The following VSTM2B variants were observed in gnomAD, a reference collection of about 807,000 sequenced individuals.
VSTM2B encodes the protein V-set and transmembrane domain containing 2B, also known as V-set and transmembrane domain-containing protein 2B.
VSTM2B carries 24 observed loss-of-function variants against 24.0 expected under a neutral mutation model. That is an observed-to-expected ratio of 1.00 (90% confidence interval 0.72 to 1.40). The LOEUF is 1.40. Among genes scored for constraint, VSTM2B ranks in the 40% most tolerant of loss-of-function variants. VSTM2B has a pLI of 0.00. For missense variants in VSTM2B, 399 were observed against 416.4 expected (o/e 0.96, Z 0.36); for synonymous variants, 226 against 194.4 (o/e 1.16, Z -1.35).
intron 4 of VSTM2B, among the ~76,000 whole-genome samples, chr19:29,554,473 G>T (rs1970362628): frequency 6.6e-6 from 1 of 152,138 alleles, no homozygotes; most frequent in Non-Finnish European, 1.5e-5. Flanking sequence ...ACACACTGAA[G>T]TACAAAGACC....
At chr19:29,556,109 A>G (rs990863892) in intron 4 of VSTM2B, among the ~76,000 whole-genome samples, 1 of 151,856 alleles carries the variant, frequency 6.6e-6, no homozygotes, top group African/African-American at 2.4e-5. Flanking sequence ...CAAAAAAAAA[A>G]AAAGAAAGAA....
intron 4 of VSTM2B, among the ~76,000 whole-genome samples, chr19:29,554,469 T>C (rs1970362418): frequency 6.6e-6 from 1 of 152,130 alleles, no homozygotes; most frequent in Admixed American, 6.6e-5. Context: ...AAAAACACAC[T>C]GAAGTACAAA....
chr19:29,560,467 C>T (rs539419384), intron 4 of VSTM2B, among the ~76,000 whole-genome samples: 1 of 152,188 alleles, frequency 6.6e-6, no homozygotes, highest in Non-Finnish European at 1.5e-5. Flanking sequence ...TGCACCATCC[C>T]ACTTCTCTTG....
intron 4 of VSTM2B, among the ~76,000 whole-genome samples, chr19:29,559,283 TA>T (rs1431285111): frequency 6.6e-6 from 1 of 152,136 alleles, no homozygotes; most frequent in African/African-American, 2.4e-5. Context: ...TATGCAGGCA[TA>T]AAAAAGATGA....
chr19:29,549,512 A>AGGAGGCCCCTGACGCTGGCTCCAGTG (rs1970225254), intron 4 of VSTM2B, among the ~76,000 whole-genome samples: 2 of 147,342 alleles, frequency 1.4e-5, no homozygotes, highest in South Asian at 2.2e-4. Flanking sequence ...TGGCTCCAGT[A>AGGAGGCCCCTGACGCTGGCTCCAGTG]CTGCCCCAGG....
chr19:29,563,716 C>A (rs1259580439), intron 4 of VSTM2B, 130 bp from the exon 5 acceptor site: 2 of 727,258 alleles, frequency 2.8e-6, no homozygotes, highest in Non-Finnish European at 4.6e-6. Flanking sequence ...CCACTATGCA[C>A]CAGCCTCCAG....
chr19:29,552,595 G>A (rs920008375), intron 4 of VSTM2B, among the ~76,000 whole-genome samples: 15 of 152,286 alleles, frequency 9.8e-5, no homozygotes, highest in South Asian at 4.1e-4. Context: ...TCATGAGCCC[G>A]TGCCACCAGG....
chr19:29,526,727 G>A lies in VSTM2B; in HGVS notation c.82+62G>A. The stretch of plus-strand genomic sequence containing the variant: ...GGGGGTCTTTGCTGGGGCCGCCACC[G>A]AGAAGAAGAAGAAAGAGAACGAACC... On this transcript the variant is annotated intron_variant, in intron 1 of 4. Transcript: ENST00000335523. The surrounding 1 kb of genome is among the most constrained non-coding windows in gnomAD (Gnocchi z 4.1). 7.1e-7 allele frequency: 1 copy of A among 1,415,468 alleles called. No homozygotes were observed. Among genetic ancestry groups the A allele is most frequent in the Non-Finnish European group, 9.5e-7 (1 of 1,047,826 alleles). The allele number at this position is 1,415,468 out of a possible 1,614,324, so 87.7% of individuals were successfully genotyped here.
chr19:29,562,738 G>A (rs1172734638), intron 4 of VSTM2B, among the ~76,000 whole-genome samples: 1 of 152,212 alleles, frequency 6.6e-6, no homozygotes, highest in African/African-American at 2.4e-5. Flanking sequence ...GAAGCCCAGG[G>A]TTTATGGGTG....
chr19:29,557,750 G>C (rs1464144459), intron 4 of VSTM2B, among the ~76,000 whole-genome samples: 1 of 150,772 alleles, frequency 6.6e-6, no homozygotes, highest in Non-Finnish European at 1.5e-5. Context: ...AAAAACCCCA[G>C]AAGAAAATCC....
intron 4 of VSTM2B, among the ~76,000 whole-genome samples, chr19:29,560,247 TG>T (rs1970495953): frequency 6.6e-6 from 1 of 152,174 alleles, no homozygotes; most frequent in Admixed American, 6.5e-5. Context: ...GATGCTGGGA[TG>T]GGGAAGGGGG....
At chr19:29,542,832 T>C (rs79364176) in intron 4 of VSTM2B, among the ~76,000 whole-genome samples, 3,049 of 152,172 alleles carry the variant, frequency 0.02, 97 homozygotes, top group African/African-American at 0.069. Flanking sequence ...TTCCAGCAAC[T>C]GAATACTGCA....
At position 29,563,878 on chromosome 19, in the gene VSTM2B, T is replaced by G. The variant is rs769670032; in HGVS notation, c.802T>G (p.Leu268Val). ...TGRSYTTDPL[L>V]SLLLLALHKF... ...CCGTAGCTACACCACAGACCCACTCTTGTCCCTGCTCCTGTTAGCTCTGCA... is the reference window on the plus strand; with the variant it reads ...CCGTAGCTACACCACAGACCCACTCGTGTCCCTGCTCCTGTTAGCTCTGCA... The change falls in exon 5 of 5, where the codon TTG becomes GTG. Residue 268 changes from leucine to valine, a missense_variant. Transcript: ENST00000335523. 1.3e-4 allele frequency: 206 copies of G among 1,552,222 alleles called. 1 individual carries two copies. Among genetic ancestry groups the G allele is most frequent in the Admixed American group, 2.2e-4 (11 of 50,990 alleles).
chr19:29,564,069 A>G lies in VSTM2B; in HGVS notation c.*135A>G. ...AGTCCACATGGAAAATAAATAAATCATATTTTTGGGAAAGTTACACAAATG... is the reference window on the plus strand; with the variant it reads ...AGTCCACATGGAAAATAAATAAATCGTATTTTTGGGAAAGTTACACAAATG... On this transcript the variant is annotated 3_prime_UTR_variant, in exon 5 of 5. Transcript: ENST00000335523. 1.4e-6 allele frequency: 1 copy of G among 690,454 alleles called. No individual in the cohort carries two copies. The allele number at this position is 690,454 out of a possible 1,614,324, so 42.8% of individuals were successfully genotyped here.
In VSTM2B at chr19:29,530,079, C is replaced by A. The variant is rs1482871879; in HGVS notation, c.558C>A (p.Gly186=). The A allele has an allele frequency of 6.7e-7, 1 of 1,497,852 alleles. No homozygotes were observed. The highest frequency in any genetic ancestry group is 8.8e-7 in the Non-Finnish European group (1 of 1,132,194). The allele number at this position is 1,497,852 out of a possible 1,614,324, so 92.8% of individuals were successfully genotyped here. The change falls in exon 4 of 5, where the codon GGC becomes GGA. Residue 186 remains glycine (G), a synonymous_variant. Coordinates refer to ENST00000335523, the MANE Select transcript of VSTM2B (RefSeq NM_001146339.2). ...PASAANANNA[G]AASRTTSEPG... is the part of the protein sequence containing the mutation. ...GCGCCGCCAACGCCAACAACGCGGGCGCCGCGAGCCGTACCACCTCCGAGC... is the reference window on the plus strand; with the variant it reads ...GCGCCGCCAACGCCAACAACGCGGGAGCCGCGAGCCGTACCACCTCCGAGC...
In VSTM2B at chr19:29,529,552, C is replaced by A. The variant is rs555454427; in HGVS notation, c.298-267C>A. The stretch of plus-strand genomic sequence containing the variant: ...GACAAGCAGTGTTGGTTTGTATGGG[C>A]GGGGCAGATGCAAGGTGGGCGTTTG... On this transcript the variant is annotated intron_variant, in intron 3 of 4. Transcript: ENST00000335523. Among the ~76,000 whole-genome samples the A allele has an allele frequency of 2.6e-5, 4 of 152,194 alleles. No homozygotes were observed. In the South Asian group the frequency reaches 8.3e-4, roughly 32 times the overall value.
At position 29,546,045 on chromosome 19, in the gene VSTM2B, G is replaced by A. The variant is rs541742621; in HGVS notation, c.769+15755G>A. Among the ~76,000 whole-genome samples the A allele has an allele frequency of 2.0e-5, 3 of 152,166 alleles. No homozygotes were observed. The East Asian group carries it at 5.8e-4, about 29-fold the overall frequency. On this transcript the variant is annotated intron_variant, in intron 4 of 4. Transcript: ENST00000335523. ...GGGAGGGTTGGAGTGCCAGGGCAGG[G>A]TGGGTGTGGGGTAATGGCAGGGGCA...
chr19:29,544,387 T>G (rs765936040), intron 4 of VSTM2B, among the ~76,000 whole-genome samples: 1 of 151,280 alleles, frequency 6.6e-6, no homozygotes, highest in African/African-American at 2.4e-5. Context: ...TTAGCCGGGC[T>G]TGGTGGCGGG....
At chr19:29,549,258 C>T (rs1048165409) in intron 4 of VSTM2B, among the ~76,000 whole-genome samples, 1 of 152,178 alleles carries the variant, frequency 6.6e-6, no homozygotes, top group African/African-American at 2.4e-5. Flanking sequence ...CTGTAGAAGA[C>T]AGCATTTTGT....
Sources: allele counts gnomAD v4.1 joint callset (sites outside exome capture counted in the v4.1 genomes callset), GRCh38; gene constraint gnomAD v4.1.1; non-coding constraint Gnocchi (gnomAD v3.1); transcripts MANE v1.5; gene names NCBI Gene and HGNC (gene_info 2026-07-23, HGNC 2026-07-21).